Variants in GRIA4 observed in about 807,000 individuals in gnomAD.
GRIA4 encodes glutamate ionotropic receptor AMPA type subunit 4.
GRIA4 carries 34 observed loss-of-function variants against 104.0 expected under a neutral mutation model. The ratio of observed to expected loss-of-function variants is 0.33; its 90% CI spans 0.25 to 0.44. The LOEUF (loss-of-function observed/expected upper bound fraction) is 0.44. GRIA4 is among the 20% of genes least tolerant of loss of function. The pLI is 1.00. For synonymous variants in GRIA4, 386 were observed against 381.9 expected, an observed-to-expected ratio of 1.01 and a Z score of -0.13; for missense variants, 750 against 1,096.5, an observed-to-expected ratio of 0.68 and a Z score of 4.46.
At chr11:105,717,687 C>T (rs551543736) in intron 3 of GRIA4, among the ~76,000 whole-genome samples, 15 of 151,866 alleles carry the variant, frequency 9.9e-5, no homozygotes, top group African/African-American at 2.9e-4. Flanking sequence ...TAAGTACAGC[C>T]TTTGTTCTCT....
intron 14 of GRIA4, among the ~76,000 whole-genome samples, chr11:105,964,605 A>C (rs754934372): frequency 4.6e-5 from 7 of 152,168 alleles, no homozygotes; most frequent in Non-Finnish European, 1.0e-4. Context: ...CAGTGTTTAT[A>C]AAATAGCATA....
intron 3 of GRIA4, among the ~76,000 whole-genome samples, chr11:105,618,770 A>G (rs1184739958): frequency 1.3e-5 from 2 of 151,922 alleles, no homozygotes; most frequent in South Asian, 2.1e-4. Context: ...GAATGAGATC[A>G]CCCAGAGAGA....
chr11:105,685,078 A>C (rs1301274812), intron 3 of GRIA4, among the ~76,000 whole-genome samples: 1 of 151,112 alleles, frequency 6.6e-6, no homozygotes, highest in East Asian at 2.0e-4. Flanking sequence ...ATTACGTAGC[A>C]CATCTATTTA....
intron 4 of GRIA4, among the ~76,000 whole-genome samples, chr11:105,854,738 T>C (rs1463829243): frequency 6.6e-6 from 1 of 152,224 alleles, no homozygotes; most frequent in East Asian, 1.9e-4. Flanking sequence ...ATGGAATTAA[T>C]GGTGACTGTG....
intron 7 of GRIA4, among the ~76,000 whole-genome samples, chr11:105,902,330 C>CT (rs1185823797): frequency 6.1e-4 from 88 of 144,748 alleles, no homozygotes; most frequent in African/African-American, 6.5e-4. Flanking sequence ...CTTTTCTTTT[C>CT]TTTTTTTTTT....
intron 3 of GRIA4, among the ~76,000 whole-genome samples, chr11:105,627,775 A>G (rs1000448361): frequency 1.3e-4 from 20 of 152,322 alleles, no homozygotes; most frequent in African/African-American, 4.8e-4. Flanking sequence ...GAAAGTAAAC[A>G]AAACTTAAGC....
chr11:105,689,501 G>A (rs1314089141), intron 3 of GRIA4, among the ~76,000 whole-genome samples: 2 of 152,124 alleles, frequency 1.3e-5, no homozygotes, highest in Non-Finnish European at 2.9e-5. Context: ...ACTGAATTAT[G>A]GATAAATTAA....
intron 3 of GRIA4, among the ~76,000 whole-genome samples, chr11:105,621,146 C>T (rs1039469495): frequency 1.4e-4 from 21 of 151,806 alleles, no homozygotes; most frequent in African/African-American, 5.1e-4. Flanking sequence ...AGAAATTATA[C>T]TATAAGCTAT....
chr11:105,633,527 A>G (rs1285232594), intron 3 of GRIA4, among the ~76,000 whole-genome samples: 1 of 152,176 alleles, frequency 6.6e-6, no homozygotes, highest in African/African-American at 2.4e-5. Flanking sequence ...ATTATTATTC[A>G]AGCTGTGAAT....
chr11:105,668,990 C>A (rs994184915), intron 3 of GRIA4, among the ~76,000 whole-genome samples: 1 of 151,938 alleles, frequency 6.6e-6, no homozygotes, highest in Non-Finnish European at 1.5e-5. Flanking sequence ...TCACAATGTT[C>A]AAAAACCCCT....
rs1272083681 is a variant in GRIA4 at position 105,753,131 on chromosome 11, A to T, written c.398A>T (p.Gln133Leu). The change falls in exon 4 of 17, where the codon CAA (glutamine) becomes CTA (leucine). Residue 133 changes from glutamine (Q) to leucine (L), a missense_variant. By Grantham distance (113) the Gln-to-Leu change is moderately radical. Coordinates refer to ENST00000282499, the MANE Select transcript of GRIA4 (RefSeq NM_000829.4). ...PTEGESQFVL[Q>L]LRPSLRGALL... Reference sequence around the variant, plus strand: ...GAGGGGGAGAGCCAGTTTGTGCTGCAACTAAGACCTTCGTTACGAGGAGCA... The same window carrying T: ...GAGGGGGAGAGCCAGTTTGTGCTGCTACTAAGACCTTCGTTACGAGGAGCA... The T allele has an allele frequency of 6.2e-7, 1 of 1,613,916 alleles. No individual in the cohort carries two copies. The highest frequency in any genetic ancestry group is 8.5e-7 in the Non-Finnish European group (1 of 1,179,872).
rs781755645 is a variant in GRIA4 at position 105,753,239 on chromosome 11, T to A, written c.487+19T>A. On this transcript the variant is annotated intron_variant, in intron 4 of 16. Coordinates refer to ENST00000282499, the MANE Select transcript of GRIA4 (RefSeq NM_000829.4). ...GACAGGGGTAAGTCCAGTTTCTTCA[T>A]CTATTAGAGCAAAACTCTAATTTTC... 1.2e-6 allele frequency: 2 copies of A among 1,611,086 alleles called. No homozygotes were observed. The highest frequency in any genetic ancestry group is 2.2e-5 in the South Asian group (2 of 91,024).
chr11:105,955,039 G>C (rs1666314835), intron 14 of GRIA4, among the ~76,000 whole-genome samples: 1 of 151,498 alleles, frequency 6.6e-6, no homozygotes, highest in African/African-American at 2.4e-5. Context: ...TCTTAGGATT[G>C]ATTGCTCTAA....
At chr11:105,887,651 C>T in intron 6 of GRIA4, 79 bp downstream of exon 6, 2 of 738,358 alleles carry the variant, frequency 2.7e-6, no homozygotes, top group East Asian at 2.6e-5. Flanking sequence ...TTAAATAATG[C>T]TTCAATAAAT....
At position 105,979,673 on chromosome 11, in the gene GRIA4, T is replaced by C. The variant is rs780221754; in HGVS notation, c.2643T>C (p.Ala881=). 1.2e-5 allele frequency: 20 copies of C among 1,613,586 alleles called. No homozygotes were observed. The highest frequency in any genetic ancestry group is 1.3e-5 in the African/African-American group (1 of 74,932). ...TCTTGACGCCTGACTGCCCAAAGGC[T>C]GTACACACTGGAACTGCAATCAGAC... ...GRVLTPDCPK[A]VHTGTAIRQS... The change falls in exon 17 of 17, where the codon GCT becomes GCC. Residue 881 remains alanine, a synonymous_variant. Coordinates refer to ENST00000282499, the MANE Select transcript of GRIA4 (RefSeq NM_000829.4).
chr11:105,947,350 C>A (rs1948341043), intron 14 of GRIA4, among the ~76,000 whole-genome samples: 1 of 152,168 alleles, frequency 6.6e-6, no homozygotes, highest in Non-Finnish European at 1.5e-5. Context: ...TACGGACTCT[C>A]CACTGAAGCA....
intron 3 of GRIA4, among the ~76,000 whole-genome samples, chr11:105,639,904 C>T (rs890008085): frequency 2.0e-5 from 3 of 151,852 alleles, no homozygotes; most frequent in African/African-American, 7.2e-5. Flanking sequence ...CAGATTACAT[C>T]TTAATTTCCG....
chr11:105,620,627 G>T (rs1043747395), intron 3 of GRIA4, among the ~76,000 whole-genome samples: 2 of 151,676 alleles, frequency 1.3e-5, no homozygotes, highest in East Asian at 3.9e-4. Flanking sequence ...TTTTCTATGT[G>T]GTTTGTAACG....
At chr11:105,960,409 G>C (rs192208134) in intron 14 of GRIA4, among the ~76,000 whole-genome samples, 2,464 of 152,330 alleles carry the variant, frequency 0.016, 29 homozygotes, top group Non-Finnish European at 0.027. Flanking sequence ...TGCCACAGCC[G>C]GTGTGTTGAG....
Sources: gnomAD v4.1 joint callset for allele counts (sites outside exome capture counted in the v4.1 genomes callset) on GRCh38, gnomAD v4.1.1 for gene constraint, MANE v1.5 for transcripts, NCBI Gene and HGNC (gene_info 2026-07-23, HGNC 2026-07-21) for gene names.